KCTD1: variants seen among roughly 807,000 people sequenced by gnomAD.
The protein encoded by KCTD1 is potassium channel tetramerization domain containing 1.
Under a neutral mutation model 66.0 loss-of-function variants are expected in KCTD1, and 24 were observed. The observed-to-expected ratio is 0.36, with a 90% confidence interval of 0.26 to 0.51. KCTD1 has a LOEUF of 0.51. KCTD1 is among the 20% of genes least tolerant of loss of function. The pLI is 0.95. For synonymous variants in KCTD1, 511 were observed against 517.2 expected (o/e 0.99, Z 0.16); for missense variants, 943 against 1,205.2 (o/e 0.78, Z 3.22).
chr18:26,457,400 A>G (rs1980150967), intron 4 of KCTD1: 1 of 152,220 alleles, frequency 6.6e-6, no homozygotes, highest in South Asian at 2.1e-4. Context: ...GAGGCATCCC[A>G]GCTTGCTTGG....
intron 1 of KCTD1, among the ~76,000 whole-genome samples, chr18:26,635,256 T>C (rs1420971438): frequency 1.3e-5 from 2 of 152,202 alleles, no homozygotes; most frequent in African/African-American, 4.8e-5. Flanking sequence ...AACCTGTGCA[T>C]CTCAAAGGCT....
At chr18:26,598,471 TACACACACAC>T (rs4041522) in intron 1 of KCTD1, among the ~76,000 whole-genome samples, 3 of 149,776 alleles carry the variant, frequency 2.0e-5, no homozygotes, top group African/African-American at 7.4e-5. Context: ...TCTCTTTTTT[TACACACACAC>T]ACACACACAC....
chr18:26,582,468 T>C (rs2469424), intron 1 of KCTD1, among the ~76,000 whole-genome samples: 2 of 152,226 alleles, frequency 1.3e-5, no homozygotes, highest in African/African-American at 2.4e-5. Context: ...AGCAGAACTT[T>C]GTAGGGAGTA....
intron 1 of KCTD1, among the ~76,000 whole-genome samples, chr18:26,586,906 A>T (rs1986486173): frequency 6.6e-6 from 1 of 152,218 alleles, no homozygotes; most frequent in Non-Finnish European, 1.5e-5. Flanking sequence ...TAAGGAAAGA[A>T]ACCATCTCCG....
At chr18:26,655,435 T>TAC (rs10631197) in intron 1 of KCTD1, among the ~76,000 whole-genome samples, 73,050 of 150,780 alleles carry the variant, frequency 0.48, 17,977 homozygotes, top group Non-Finnish European at 0.56. Context: ...CCACTCAGGA[T>TAC]ACACACACAC....
intron 3 of KCTD1, among the ~76,000 whole-genome samples, chr18:26,462,320 T>C (rs906609843): frequency 1.3e-5 from 2 of 152,242 alleles, no homozygotes; most frequent in African/African-American, 4.8e-5. Context: ...ATGAAGGTCA[T>C]CTTGCCCCTG....
chr18:26,548,451 C>G lies in KCTD1; in HGVS notation c.86G>C (p.Gly29Ala). ...SAAAAAAENN[G>A]ERGEGERGAG... ...GCCGCGCTCGCCCTCGCCCCGCTCC[C>G]CATTGTTCTCGGCGGCGGCGGCGGC... The change falls in exon 1 of 5, where the codon GGG (glycine) becomes GCG (alanine). Residue 29 changes from glycine (G) to alanine (A), a missense_variant. This residue lies in a region of KCTD1 where 236 missense variants were observed against 206.6 expected (regional missense o/e 1.14). Transcript: ENST00000580059. 7.7e-7 allele frequency: 1 copy of G among 1,306,040 alleles called. No individual in the cohort carries two copies. Among genetic ancestry groups the G allele is most frequent in the Non-Finnish European group, 9.7e-7 (1 of 1,035,132 alleles). 80.9% of individuals were successfully genotyped at this position (1,306,040 alleles called of 1,614,324 possible).
intron 1 of KCTD1, chr18:26,544,638 A>G (rs1160494352): frequency 6.6e-6 from 1 of 152,206 alleles, no homozygotes; most frequent in Non-Finnish European, 1.5e-5. Flanking sequence ...AAGCAATGCC[A>G]CAGGCCAGCA....
chr18:26,486,709 C>T (rs1981938711), intron 2 of KCTD1, among the ~76,000 whole-genome samples: 1 of 152,116 alleles, frequency 6.6e-6, no homozygotes, highest in South Asian at 2.1e-4. Context: ...TTGATTATTT[C>T]CCTTGGTGTT....
upstream of KCTD1, chr18:26,548,799 C>T (rs1045413174): frequency 9.0e-7 from 1 of 1,106,164 alleles, no homozygotes; most frequent in Non-Finnish European, 1.1e-6. Flanking sequence ...CTTCCTCCCC[C>T]ACCCGGCTCC....
chr18:26,613,007 A>T (rs1987169576), intron 1 of KCTD1, among the ~76,000 whole-genome samples: 1 of 152,130 alleles, frequency 6.6e-6, no homozygotes, highest in Non-Finnish European at 1.5e-5. Flanking sequence ...TCACTGTTTC[A>T]TATTCTGGGG....
intron 1 of KCTD1, among the ~76,000 whole-genome samples, chr18:26,511,766 T>C (rs903038595): frequency 6.6e-6 from 1 of 152,178 alleles, no homozygotes; most frequent in Admixed American, 6.5e-5. Flanking sequence ...TGCTCTGACA[T>C]TCCCTGGAGG....
At chr18:26,655,094 T>G (rs547021897) in intron 1 of KCTD1, among the ~76,000 whole-genome samples, 1 of 152,350 alleles carries the variant, frequency 6.6e-6, no homozygotes, top group African/African-American at 2.4e-5. Flanking sequence ...AGAATCAGGT[T>G]TAATGAATCA....
upstream of KCTD1, chr18:26,549,228 C>T (rs1040637714): frequency 4.1e-6 from 4 of 986,264 alleles, no homozygotes; most frequent in African/African-American, 1.8e-5. Flanking sequence ...GCGGCGGCGG[C>T]GGCTCCCCCA....
intron 1 of KCTD1, among the ~76,000 whole-genome samples, chr18:26,588,891 G>T (rs1219123490): frequency 6.6e-6 from 1 of 152,150 alleles, no homozygotes; most frequent in Non-Finnish European, 1.5e-5. Context: ...ATACAGTATA[G>T]AGCAGTGTGT....
At chr18:26,601,002 T>C (rs1986882626) in intron 1 of KCTD1, among the ~76,000 whole-genome samples, 1 of 152,058 alleles carries the variant, frequency 6.6e-6, no homozygotes, top group South Asian at 2.1e-4. Flanking sequence ...AGAGAGGGGA[T>C]GTGCATTTGT....
At chr18:26,463,839 A>AAT (rs1220995717) in intron 3 of KCTD1, among the ~76,000 whole-genome samples, 1 of 152,186 alleles carries the variant, frequency 6.6e-6, no homozygotes, top group African/African-American at 2.4e-5. Flanking sequence ...GCCCGGCCTG[A>AAT]ATACATATTT....
intron 1 of KCTD1, chr18:26,599,443 C>T: frequency 6.2e-7 from 1 of 1,611,710 alleles, no homozygotes; most frequent in Non-Finnish European, 8.5e-7. Context: ...CAGTTTGTGG[C>T]AGTGGTCTGG....
chr18:26,532,237 T>G (rs1984468528), intron 1 of KCTD1, among the ~76,000 whole-genome samples: 1 of 151,156 alleles, frequency 6.6e-6, no homozygotes, highest in Non-Finnish European at 1.5e-5. Flanking sequence ...TTTTTTATTC[T>G]TTTTCTTTTT....
Sources: gnomAD v4.1 joint callset for allele counts (sites outside exome capture counted in the v4.1 genomes callset) on GRCh38, gnomAD v4.1.1 for gene constraint, gnomAD v4.1.1 regional missense constraint, MANE v1.5 for transcripts, NCBI Gene and HGNC (gene_info 2026-07-23, HGNC 2026-07-21) for gene names.